The following STK24 variants were observed in gnomAD, a reference collection of about 807,000 sequenced individuals.
The protein encoded by STK24 is serine/threonine-protein kinase 24.
A neutral mutation model predicts 55.6 loss-of-function variants in STK24; 21 were observed. That is an observed-to-expected ratio of 0.38 (90% CI 0.27 to 0.54). STK24 has a LOEUF of 0.54. Ranked by LOEUF, STK24 falls within the 20% of genes least tolerant of loss-of-function variation. The probability of loss-of-function intolerance (pLI) is 0.79; values close to 1 mark genes in which losing one functional copy is unlikely to be tolerated. For missense variants in STK24, 383 were observed against 538.4 expected (o/e 0.71, Z 2.86); for synonymous variants, 200 against 215.2 (o/e 0.93, Z 0.62).
intron 1 of STK24, among the ~76,000 whole-genome samples, chr13:98,570,604 T>C (rs950041023): frequency 3.3e-5 from 5 of 152,138 alleles, no homozygotes; most frequent in Non-Finnish European, 5.9e-5. Flanking sequence ...CAATGGAAGG[T>C]CTCTAGAGTC....
intron 1 of STK24, among the ~76,000 whole-genome samples, chr13:98,524,863 A>G (rs945700472): frequency 6.6e-6 from 1 of 152,216 alleles, no homozygotes; most frequent in African/African-American, 2.4e-5. Context: ...AGACGTTTCC[A>G]GGCGTACGGC....
chr13:98,497,187 G>C (rs1895281219), intron 2 of STK24, among the ~76,000 whole-genome samples: 1 of 152,002 alleles, frequency 6.6e-6, no homozygotes, highest in Admixed American at 6.6e-5. Context: ...CCTTCCTCTG[G>C]GGTCTGCCTC....
chr13:98,566,499 A>C (rs909413930), intron 1 of STK24, among the ~76,000 whole-genome samples: 1 of 152,208 alleles, frequency 6.6e-6, no homozygotes, highest in African/African-American at 2.4e-5. Context: ...AGGTTTCATA[A>C]GCCTCGGTTT....
At chr13:98,524,830 C>T (rs1463853604) in intron 1 of STK24, among the ~76,000 whole-genome samples, 1 of 152,198 alleles carries the variant, frequency 6.6e-6, no homozygotes, top group Non-Finnish European at 1.5e-5. Flanking sequence ...CAGCAATTTT[C>T]ACTCTTTTAC....
At chr13:98,507,956 C>T (rs1327105514) in intron 2 of STK24, among the ~76,000 whole-genome samples, 1 of 152,078 alleles carries the variant, frequency 6.6e-6, no homozygotes, top group African/African-American at 2.4e-5. Context: ...CCCATAAACC[C>T]ACATGGCCCA....
At chr13:98,540,929 T>TGAAGAAGCTCCCCAGGCCTCCACA (rs1896870585) in intron 1 of STK24, among the ~76,000 whole-genome samples, 1 of 152,102 alleles carries the variant, frequency 6.6e-6, no homozygotes, top group Admixed American at 6.5e-5. Context: ...ACTAGGAGTC[T>TGAAGAAGCTCCCCAGGCCTCCACA]GAAGAAGCTC....
rs115905592 is a variant in STK24 at position 98,543,299 on chromosome 13, C to T, written c.43-23826G>A. On this transcript the variant is annotated intron_variant, in intron 1 of 10. Transcript: ENST00000539966. ...AAGTCTGCATACATTTACTTAACTGCGGCTCTCTCAGTACAACTCAACTTT... is the reference window on the plus strand; with the variant it reads ...AAGTCTGCATACATTTACTTAACTGTGGCTCTCTCAGTACAACTCAACTTT... Among the ~76,000 whole-genome samples, 529 of 152,292 alleles carry T rather than the reference C, an allele frequency of 3.5e-3. 3 individuals are homozygous for T. Among genetic ancestry groups the T allele is most frequent in the African/African-American group, 0.012 (502 of 41,552 alleles).
In STK24 at chr13:98,540,763, C is replaced by CAAAAAAAAAAAAAAAAAAAA. The variant is rs35957882; in HGVS notation, c.43-21310_43-21291dup. Reference sequence around the variant, plus strand: ...GAGTGGTTAAGCTAAATATTAAAAGCAAAAAAAAAAAAAAAAAAAAGCCAT... The same window carrying CAAAAAAAAAAAAAAAAAAAA: ...GAGTGGTTAAGCTAAATATTAAAAGCAAAAAAAAAAAAAAAAAAAAAAAAAAAAAAAAAAAAAAAAGCCAT... On this transcript the variant is annotated intron_variant, in intron 1 of 10. Transcript: ENST00000539966. Among the ~76,000 whole-genome samples the CAAAAAAAAAAAAAAAAAAAA allele has an allele frequency of 3.4e-5, 2 of 58,868 alleles. 1 individual carries two copies. The highest frequency in any genetic ancestry group is 1.3e-4 in the African/African-American group (2 of 15,796). 38.6% of individuals were successfully genotyped at this position (58,868 alleles called of 152,430 possible).
At position 98,457,314 on chromosome 13, in the gene STK24, C is replaced by T; in HGVS notation, c.1123-10G>A. 1.9e-6 allele frequency: 3 copies of T among 1,614,040 alleles called. No individual in the cohort carries two copies. The highest frequency in any genetic ancestry group is 2.5e-6 in the Non-Finnish European group (3 of 1,180,030). ...GGCTCTTCTCCTTCAACTGAAAACACACGAACAGGAAGAATGGCATGAAGC... is the reference window on the plus strand; with the variant it reads ...GGCTCTTCTCCTTCAACTGAAAACATACGAACAGGAAGAATGGCATGAAGC... On this transcript the variant is annotated splice_polypyrimidine_tract_variant and intron_variant, in intron 9 of 10. Coordinates refer to ENST00000539966, the MANE Select transcript of STK24 (RefSeq NM_001032296.4).
intron 1 of STK24, among the ~76,000 whole-genome samples, chr13:98,567,179 T>C (rs1037824746): frequency 6.6e-6 from 1 of 152,250 alleles, no homozygotes; most frequent in Admixed American, 6.5e-5. Flanking sequence ...GCTATGGATT[T>C]ATGGCCAGCG....
At chr13:98,576,211 C>T (rs1162163542) in intron 1 of STK24, 1 of 985,454 alleles carries the variant, frequency 1.0e-6, no homozygotes, top group East Asian at 1.1e-4. Context: ...TTACCTTCCT[C>T]CACTCCACCC....
At chr13:98,468,521 C>T (rs997203621) in intron 5 of STK24, among the ~76,000 whole-genome samples, 1 of 152,080 alleles carries the variant, frequency 6.6e-6, no homozygotes, top group South Asian at 2.1e-4. Flanking sequence ...GAGGGAGGAC[C>T]GAGGAGGGGA....
chr13:98,575,626 G>A (rs1369376200), intron 1 of STK24, among the ~76,000 whole-genome samples: 5 of 152,168 alleles, frequency 3.3e-5, no homozygotes, highest in African/African-American at 9.7e-5. Context: ...TGGGCTCTGT[G>A]CTTCTCAGCC....
At chr13:98,525,318 C>T (rs1896394069) in intron 1 of STK24, among the ~76,000 whole-genome samples, 1 of 152,198 alleles carries the variant, frequency 6.6e-6, no homozygotes, top group African/African-American at 2.4e-5. Context: ...TGGGGCCCCT[C>T]AACCCCACAG....
intron 1 of STK24, among the ~76,000 whole-genome samples, chr13:98,555,031 A>AAAAAAAAAAAAG (rs1555312204): frequency 3.5e-5 from 5 of 143,592 alleles, no homozygotes; most frequent in South Asian, 2.2e-4. Flanking sequence ...AAAAAAAAAA[A>AAAAAAAAAAAAG]AAAGAAAGAA....
intron 3 of STK24, among the ~76,000 whole-genome samples, chr13:98,481,693 C>A (rs1012048745): frequency 6.6e-6 from 1 of 152,148 alleles, no homozygotes. Flanking sequence ...CATGATCCTT[C>A]CTTGCTTCCT....
chr13:98,477,528 A>G (rs1429376421), intron 3 of STK24, among the ~76,000 whole-genome samples: 1 of 152,126 alleles, frequency 6.6e-6, no homozygotes, highest in Non-Finnish European at 1.5e-5. Flanking sequence ...CAGAAAAATT[A>G]GCCGGGCATG....
intron 6 of STK24, among the ~76,000 whole-genome samples, chr13:98,464,910 G>C (rs1198129989): frequency 1.3e-5 from 2 of 152,088 alleles, no homozygotes; most frequent in African/African-American, 4.8e-5. Flanking sequence ...CCTTTTTCCT[G>C]TCTGCTGAAA....
intron 5 of STK24, 145 bp downstream of exon 5, chr13:98,474,676 A>G (rs957761518): frequency 7.6e-5 from 81 of 1,059,054 alleles, no homozygotes; most frequent in African/African-American, 2.7e-4. Context: ...AAAACTGTTC[A>G]TAACCAAGGT....
Sources: gnomAD v4.1 joint callset for allele counts (sites outside exome capture counted in the v4.1 genomes callset) on GRCh38, gnomAD v4.1.1 for gene constraint, MANE v1.5 for transcripts, NCBI Gene and HGNC (gene_info 2026-07-23, HGNC 2026-07-21) for gene names.